Variants in UTRN observed in about 807,000 individuals in gnomAD.
The protein encoded by UTRN is dystrophin-related protein 1.
In UTRN, 283 loss-of-function variants were observed where a neutral mutation model predicts 463.9. That is an observed-to-expected ratio of 0.61 (90% CI 0.55 to 0.67). The LOEUF (loss-of-function observed/expected upper bound fraction) is 0.67, where lower values mean the gene tolerates loss of function less well. Ranked by LOEUF, UTRN falls within the 30% of genes least tolerant of loss-of-function variation. The pLI is 0.00. For missense variants in UTRN, 3,922 were observed against 4,084.3 expected (o/e 0.96, Z 1.08); for synonymous variants, 1,442 against 1,431.5 (o/e 1.01, Z -0.17).
rs575189356 is a variant in UTRN at position 144,444,983 on chromosome 6, A to G, written c.1614+601A>G. Among the ~76,000 whole-genome samples, 24 of 152,316 alleles carry G rather than the reference A, an allele frequency of 1.6e-4. No homozygotes were observed. The South Asian group carries it at 3.7e-3, about 24-fold the overall frequency. ...TTGCCTGTTCTCTGTCTTTCCAGAA[A>G]AGCAACCATTGAAACAAAATACAAA... is the stretch of plus-strand genomic sequence containing the variant. On this transcript the variant is annotated intron_variant, in intron 14 of 74. Transcript: ENST00000367545.
chr6:144,675,849 C>A (rs369534344), intron 51 of UTRN, among the ~76,000 whole-genome samples: 141 of 152,268 alleles, frequency 9.3e-4, no homozygotes, highest in Non-Finnish European at 1.8e-3. Context: ...AGTCTCCAGA[C>A]GCTGTTCTGT....
chr6:144,611,571 A>G (rs1345430231), intron 51 of UTRN, among the ~76,000 whole-genome samples: 1 of 152,184 alleles, frequency 6.6e-6, no homozygotes, highest in African/African-American at 2.4e-5. Flanking sequence ...ATGACAAATT[A>G]TCCAAATAGA....
intron 48 of UTRN, among the ~76,000 whole-genome samples, chr6:144,554,053 T>C (rs1799169202): frequency 6.6e-6 from 1 of 151,372 alleles, no homozygotes; most frequent in South Asian, 2.1e-4. Context: ...GAATGAACAA[T>C]AATAAAAGAG....
chr6:144,685,901 C>T (rs1212713628), intron 52 of UTRN, among the ~76,000 whole-genome samples: 3 of 151,998 alleles, frequency 2.0e-5, no homozygotes, highest in East Asian at 3.9e-4. Flanking sequence ...TAAGTAGGTG[C>T]CATTTATTTA....
At chr6:144,464,485 T>TA (rs1789734253) in intron 23 of UTRN, among the ~76,000 whole-genome samples, 1 of 151,982 alleles carries the variant, frequency 6.6e-6, no homozygotes, top group Non-Finnish European at 1.5e-5. Flanking sequence ...TTGTGTGGCT[T>TA]AGTGTTTTTG....
intron 2 of UTRN, among the ~76,000 whole-genome samples, chr6:144,300,828 A>G (rs1382507851): frequency 6.6e-6 from 1 of 152,252 alleles, no homozygotes; most frequent in East Asian, 1.9e-4. Context: ...TGAAACTAAG[A>G]AACTGCAAAA....
chr6:144,517,160 G>A (rs1243631477), intron 39 of UTRN, among the ~76,000 whole-genome samples: 6 of 151,568 alleles, frequency 4.0e-5, no homozygotes, highest in Non-Finnish European at 7.4e-5. Context: ...CATCTCTTTT[G>A]GATTTCTGAT....
chr6:144,565,788 A>G (rs1352803140), intron 50 of UTRN, among the ~76,000 whole-genome samples: 2 of 152,166 alleles, frequency 1.3e-5, no homozygotes, highest in Non-Finnish European at 2.9e-5. Context: ...TGTGGCTGGA[A>G]GCTAGAGAGT....
At chr6:144,672,112 T>C (rs1781106439) in intron 51 of UTRN, among the ~76,000 whole-genome samples, 1 of 152,062 alleles carries the variant, frequency 6.6e-6, no homozygotes, top group East Asian at 1.9e-4. Context: ...TATTGGTCTG[T>C]AGTTTTCTTT....
chr6:144,469,910 G>C (rs964688878), intron 23 of UTRN, among the ~76,000 whole-genome samples: 1 of 151,842 alleles, frequency 6.6e-6, no homozygotes, highest in Non-Finnish European at 1.5e-5. Flanking sequence ...GACTCTTAAC[G>C]AGCATGCTGC....
At chr6:144,451,690 T>TGG (rs1788325974) in intron 18 of UTRN, among the ~76,000 whole-genome samples, 197 bp downstream of exon 18, 1 of 151,850 alleles carries the variant, frequency 6.6e-6, no homozygotes, top group Admixed American at 6.6e-5. Context: ...GGAGGACGTT[T>TGG]TTTTTTTTTC....
At chr6:144,661,717 A>AC (rs1779887364) in intron 51 of UTRN, among the ~76,000 whole-genome samples, 3 of 152,012 alleles carry the variant, frequency 2.0e-5, no homozygotes, top group Admixed American at 6.6e-5. Context: ...CATTACTTAG[A>AC]CCCCCTGAGA....
intron 51 of UTRN, among the ~76,000 whole-genome samples, chr6:144,635,514 CTTTTTT>C (rs1402815648): frequency 2.5e-5 from 2 of 80,012 alleles, no homozygotes; most frequent in Non-Finnish European, 4.4e-5. Context: ...CTTTTTTTTT[CTTTTTT>C]TTTTTTTTTC....
chr6:144,643,267 A>AG (rs1323560569), intron 51 of UTRN, among the ~76,000 whole-genome samples: 1 of 152,128 alleles, frequency 6.6e-6, no homozygotes, highest in African/African-American at 2.4e-5. Flanking sequence ...GGAAGTTGGT[A>AG]GGGGGGACTT....
chr6:144,771,731 T>TC (rs1458437810), intron 58 of UTRN, among the ~76,000 whole-genome samples, 176 bp from the exon 59 acceptor site: 3 of 152,034 alleles, frequency 2.0e-5, no homozygotes, highest in Non-Finnish European at 2.9e-5. Flanking sequence ...GGCCAATGTT[T>TC]CAAATGTTAA....
intron 58 of UTRN, among the ~76,000 whole-genome samples, chr6:144,769,538 C>A (rs924805828): frequency 6.6e-6 from 1 of 152,168 alleles, no homozygotes; most frequent in Non-Finnish European, 1.5e-5. Context: ...AGGTGTTCAC[C>A]TTGAATTCTT....
rs200477118 is a variant in UTRN at position 144,290,752 on chromosome 6, CTTTTTTTTTTTTT to C, written c.-92-968_-92-956del. On this transcript the variant is annotated intron_variant, in intron 1 of 74. Coordinates refer to ENST00000367545, the MANE Select transcript of UTRN (RefSeq NM_007124.3). ...TGGTCTACCTACAAGCCACAATCGT[CTTTTTTTTTTTTT>C]TTTTTTTTTTTTTTTTGAGATGGAG... Among the ~76,000 whole-genome samples the C allele has an allele frequency of 4.8e-3, 474 of 99,160 alleles. 7 individuals carry two copies. Among genetic ancestry groups the C allele is most frequent in the African/African-American group, 0.014 (324 of 23,842 alleles). 65.1% of individuals were successfully genotyped at this position (99,160 alleles called of 152,430 possible).
At chr6:144,764,245 A>G (rs1179315345) in intron 58 of UTRN, among the ~76,000 whole-genome samples, 2 of 152,194 alleles carry the variant, frequency 1.3e-5, no homozygotes, top group Non-Finnish European at 2.9e-5. Flanking sequence ...TTGGCTAACT[A>G]AAAATCTAAA....
intron 3 of UTRN, among the ~76,000 whole-genome samples, chr6:144,409,656 G>A (rs1783710611): frequency 1.3e-5 from 2 of 152,138 alleles, no homozygotes; most frequent in Admixed American, 1.3e-4. Flanking sequence ...ATTACACAGA[G>A]CAAGGAGACA....
Sources: gnomAD v4.1 joint callset for allele counts (sites outside exome capture counted in the v4.1 genomes callset) on GRCh38, gnomAD v4.1.1 for gene constraint, MANE v1.5 for transcripts, NCBI Gene and HGNC (gene_info 2026-07-23, HGNC 2026-07-21) for gene names.